Variants in CD247 observed in about 807,000 individuals in gnomAD.
CD247 encodes the protein T-cell surface glycoprotein CD3 zeta chain.
In CD247, 13 loss-of-function variants were observed where a neutral mutation model predicts 30.0. That is an observed-to-expected ratio of 0.43 (90% CI 0.28 to 0.69). CD247 has a LOEUF of 0.69. CD247 is among the 30% of genes least tolerant of loss of function. CD247 has a pLI of 0.16. For missense variants in CD247, 193 were observed against 212.6 expected, an observed-to-expected ratio of 0.91 and a Z score of 0.57; for synonymous variants, 72 against 80.0, an observed-to-expected ratio of 0.90 and a Z score of 0.53.
At chr1:167,457,892 A>G (rs1428549282) in intron 1 of CD247, 3 of 152,246 alleles carry the variant, frequency 2.0e-5, no homozygotes, top group Non-Finnish European at 4.4e-5. Flanking sequence ...AGGCATCACT[A>G]GGACTCAGTA....
chr1:167,483,015 T>TCTTTCTTTCTTTC (rs201265842), intron 1 of CD247, among the ~76,000 whole-genome samples: 95 of 139,550 alleles, frequency 6.8e-4, no homozygotes, highest in South Asian at 1.5e-3. Flanking sequence ...TTTCTTTCTT[T>TCTTTCTTTCTTTC]TTTTTTTTTT....
At chr1:167,453,803 T>C (rs1303922613) in intron 1 of CD247, among the ~76,000 whole-genome samples, 4 of 151,854 alleles carry the variant, frequency 2.6e-5, no homozygotes, top group Non-Finnish European at 5.9e-5. Context: ...ATAATGACAA[T>C]AACAAAATTA....
intron 1 of CD247, among the ~76,000 whole-genome samples, chr1:167,455,985 C>G (rs1652637590): frequency 6.6e-6 from 1 of 152,028 alleles, no homozygotes. Context: ...AGACGCAACC[C>G]TGAGAGGCTG....
At chr1:167,444,968 C>A (rs1489500508) in intron 1 of CD247, among the ~76,000 whole-genome samples, 1 of 151,640 alleles carries the variant, frequency 6.6e-6, no homozygotes, top group African/African-American at 2.4e-5. Context: ...CTCTGTTGCC[C>A]AGGCTGGAGT....
intron 1 of CD247, chr1:167,459,979 G>A (rs975085991): frequency 6.6e-6 from 1 of 152,180 alleles, no homozygotes; most frequent in African/African-American, 2.4e-5. Context: ...TTTAATGAAT[G>A]AATAAATGAT....
intron 1 of CD247, among the ~76,000 whole-genome samples, chr1:167,452,982 GCAA>G (rs2102013251): frequency 8.6e-6 from 1 of 116,320 alleles, no homozygotes; most frequent in Admixed American, 9.8e-5. Flanking sequence ...TACATAGAGA[GCAA>G]TATGTGTGTG....
chr1:167,515,587 T>C (rs1016836817), intron 1 of CD247, among the ~76,000 whole-genome samples: 3 of 152,224 alleles, frequency 2.0e-5, no homozygotes, highest in Non-Finnish European at 4.4e-5. Flanking sequence ...AGAGTAAGTA[T>C]CTTTAAAAAA....
chr1:167,479,666 A>T (rs150838948), intron 1 of CD247, among the ~76,000 whole-genome samples: 93 of 152,198 alleles, frequency 6.1e-4, no homozygotes, highest in African/African-American at 2.2e-3. Flanking sequence ...CTGTGTCCCC[A>T]GTCCACATCT....
chr1:167,443,812 A>T (rs1320677743), intron 1 of CD247, among the ~76,000 whole-genome samples: 1 of 151,852 alleles, frequency 6.6e-6, no homozygotes, highest in Admixed American at 6.6e-5. Context: ...GGAGGAGAGG[A>T]TATTAACCCC....
At chr1:167,452,629 G>A (rs34770204) in intron 1 of CD247, among the ~76,000 whole-genome samples, 9,014 of 152,136 alleles carry the variant, frequency 0.059, 907 homozygotes, top group African/African-American at 0.21. Context: ...TAGCCTCCCA[G>A]CCGAGCAGAG....
chr1:167,454,138 GTACT>G (rs1170536822), intron 1 of CD247, among the ~76,000 whole-genome samples: 8 of 152,122 alleles, frequency 5.3e-5, no homozygotes, highest in Non-Finnish European at 8.8e-5. Context: ...TAATGTAAAT[GTACT>G]TACTTCATGT....
intron 1 of CD247, among the ~76,000 whole-genome samples, chr1:167,506,182 G>A (rs1331703725): frequency 1.3e-5 from 2 of 151,922 alleles, no homozygotes; most frequent in Non-Finnish European, 2.9e-5. Context: ...GTCCCACTCT[G>A]GTCACAGAAA....
chr1:167,444,348 T>C (rs897655924), intron 1 of CD247, among the ~76,000 whole-genome samples: 5 of 152,228 alleles, frequency 3.3e-5, no homozygotes, highest in Admixed American at 1.3e-4. Context: ...GCTTCTTCCC[T>C]GTGCGCGCTC....
intron 4 of CD247, 146 bp downstream of exon 4, chr1:167,438,424 T>G: frequency 1.4e-6 from 1 of 738,172 alleles, no homozygotes; most frequent in Admixed American, 1.9e-5. Context: ...CGGCAGCAAG[T>G]GGGTCTCCAT....
chr1:167,434,260 C>T, intron 5 of CD247, 184 bp from the exon 6 acceptor site: 1 of 659,894 alleles, frequency 1.5e-6, no homozygotes, highest in South Asian at 1.7e-5. Context: ...TCCAGCCCAC[C>T]CCCCTCATCC....
At chr1:167,438,004 AAAAT>A (rs920010234) in intron 4 of CD247, among the ~76,000 whole-genome samples, 2 of 148,842 alleles carry the variant, frequency 1.3e-5, no homozygotes, top group East Asian at 2.0e-4. Flanking sequence ...TTGTCAATAT[AAAAT>A]AAATAAAGAC....
At chr1:167,461,575 C>T (rs1279457530) in intron 1 of CD247, among the ~76,000 whole-genome samples, 1 of 152,190 alleles carries the variant, frequency 6.6e-6, no homozygotes, top group Admixed American at 6.5e-5. Flanking sequence ...GTCGGCCGGG[C>T]GTGGTGGCTC....
chr1:167,442,574 C>A (rs368617583), intron 1 of CD247, among the ~76,000 whole-genome samples: 13 of 152,212 alleles, frequency 8.5e-5, no homozygotes, highest in Admixed American at 2.6e-4. Flanking sequence ...TCAGAGCACA[C>A]GGTCACAGGC....
intron 2 of CD247, 51 bp from the exon 3 acceptor site, chr1:167,439,451 G>T: frequency 6.4e-7 from 1 of 1,574,366 alleles, no homozygotes; most frequent in Non-Finnish European, 8.7e-7. Context: ...GCGCGCAGGG[G>T]AGCCGGGGTG....
Sources: allele counts gnomAD v4.1 joint callset (sites outside exome capture counted in the v4.1 genomes callset), GRCh38; gene constraint gnomAD v4.1.1; transcripts MANE v1.5; gene names NCBI Gene and HGNC (gene_info 2026-07-23, HGNC 2026-07-21).